The following GNB1L variants were observed in gnomAD, a reference collection of about 807,000 sequenced individuals.
The protein encoded by GNB1L is guanine nucleotide-binding protein subunit beta-like protein 1.
Under a neutral mutation model 29.1 loss-of-function variants are expected in GNB1L, and 20 were observed. That is an observed-to-expected ratio of 0.69 (90% confidence interval 0.48 to 1.00). The LOEUF is 1.00. Among genes scored for constraint, GNB1L ranks in the 50% least tolerant of loss-of-function variants. The probability of loss-of-function intolerance (pLI) is 0.00; values close to 1 mark genes in which losing one functional copy is unlikely to be tolerated. For missense variants in GNB1L, 421 were observed against 464.9 expected (o/e 0.91, Z 0.87); for synonymous variants, 193 against 206.5 (o/e 0.93, Z 0.56).
chr22:19,839,871 G>A (rs757667319), intron 2 of GNB1L, among the ~76,000 whole-genome samples: 6 of 150,792 alleles, frequency 4.0e-5, no homozygotes, highest in African/African-American at 7.3e-5. Context: ...CAGAGACTCC[G>A]TCTCAATAAT....
intron 2 of GNB1L, among the ~76,000 whole-genome samples, chr22:19,827,648 T>C (rs118185251): frequency 0.014 from 2,097 of 152,352 alleles, 31 homozygotes; most frequent in Middle Eastern, 0.048. Context: ...CAATGTGATA[T>C]AATTACACTC....
chr22:19,819,664 T>C (rs930546889), intron 4 of GNB1L, among the ~76,000 whole-genome samples: 26 of 152,188 alleles, frequency 1.7e-4, no homozygotes, highest in Admixed American at 9.2e-4. Flanking sequence ...CAGTGGGGTC[T>C]GAATACCAAT....
chr22:19,802,263 C>T (rs750524013), intron 6 of GNB1L, 47 bp from the exon 7 acceptor site: 1 of 1,506,824 alleles, frequency 6.6e-7, no homozygotes, highest in South Asian at 1.1e-5. Context: ...ACCCTGACTC[C>T]AGTGAGTTTC....
intron 4 of GNB1L, 86 bp from the exon 5 acceptor site, chr22:19,812,533 C>T: frequency 7.5e-7 from 1 of 1,326,112 alleles, no homozygotes; most frequent in East Asian, 2.5e-5. Flanking sequence ...AAGGCAAGGC[C>T]ATGTTTCCAG....
chr22:19,793,933 A>G (rs982839866), intron 7 of GNB1L, among the ~76,000 whole-genome samples: 2 of 152,218 alleles, frequency 1.3e-5, no homozygotes, highest in African/African-American at 4.8e-5. Context: ...AGAAATGGCA[A>G]AGGGGTGAGT....
chr22:19,818,714 T>TGGGTTGTGATGGTGATGGCACGGAGTTCC (rs1937555050), intron 4 of GNB1L, among the ~76,000 whole-genome samples: 9 of 152,232 alleles, frequency 5.9e-5, no homozygotes, highest in Admixed American at 5.9e-4. Flanking sequence ...TCTGGAGTTC[T>TGGGTTGTGATGGTGATGGCACGGAGTTCC]GGGCTGTGAT....
intron 7 of GNB1L, among the ~76,000 whole-genome samples, chr22:19,801,157 C>A (rs1011382272): frequency 6.6e-6 from 1 of 152,190 alleles, no homozygotes; most frequent in Non-Finnish European, 1.5e-5. Flanking sequence ...ACATGCAGCT[C>A]CCCCTGGAGG....
At chr22:19,823,636 A>C (rs896047587) in intron 2 of GNB1L, among the ~76,000 whole-genome samples, 3 of 152,224 alleles carry the variant, frequency 2.0e-5, no homozygotes, top group African/African-American at 7.2e-5. Context: ...GCAGAGCCTG[A>C]CAGGTCACCT....
Position 19,822,107 on chromosome 22 carries a change from G to A in GNB1L, c.-20-732C>T, listed in dbSNP as rs553519659. 9.2e-5 allele frequency among the ~76,000 whole-genome samples: 14 copies of A among 152,268 alleles called. No homozygotes were observed. The East Asian group carries it at 9.6e-4, about 10-fold the overall frequency. On this transcript the variant is annotated intron_variant, in intron 2 of 7. Transcript: ENST00000329517. ...ATCTGCTGGGCCCCAGGCCTGCCCC[G>A]CCACAATTTCTAACCGCTATCACCA...
chr22:19,820,603 G>T lies in GNB1L; in HGVS notation c.249C>A (p.Leu83=), dbSNP rs1937570078. ...WLQTLPQGRQ[L]LSQGRDLKLC... is the part of the protein sequence containing the mutation. ...CCTGCACCTTGGAGACCCACCTGAG[G>T]AGCTGGCGCCCCTGGGGCAGCGTCT... The change falls in exon 4 of 8, where the codon CTC becomes CTA. Residue 83 remains leucine, a synonymous_variant. Transcript: ENST00000329517. 3 of 1,612,150 alleles carry T rather than the reference G, an allele frequency of 1.9e-6. No individual in the cohort carries two copies. Among genetic ancestry groups the T allele is most frequent in the Non-Finnish European group, 2.5e-6 (3 of 1,179,552 alleles).
At chr22:19,848,009 C>CCATATT in intron 2 of GNB1L, 1 of 985,250 alleles carries the variant, frequency 1.0e-6, no homozygotes, top group South Asian at 4.7e-5. Context: ...TACTAAATTT[C>CCATATT]CATATTTATT....
At chr22:19,852,293 C>T in intron 2 of GNB1L, 2 of 1,574,500 alleles carry the variant, frequency 1.3e-6, no homozygotes, top group South Asian at 2.4e-5. Context: ...AGAGGAGAGC[C>T]AGCACTGGTG....
intron 2 of GNB1L, among the ~76,000 whole-genome samples, chr22:19,845,772 G>A (rs1231183054): frequency 2.6e-5 from 4 of 152,192 alleles, no homozygotes; most frequent in African/African-American, 9.7e-5. Context: ...AGGCACCCCC[G>A]AGGCCTGCAC....
intron 7 of GNB1L, among the ~76,000 whole-genome samples, chr22:19,793,293 C>G (rs538407328): frequency 2.6e-5 from 4 of 151,954 alleles, no homozygotes; most frequent in Admixed American, 6.6e-5. Flanking sequence ...AAGCTCAATA[C>G]TGAAATGAAA....
chr22:19,792,665 C>A, intron 7 of GNB1L: 1 of 1,497,238 alleles, frequency 6.7e-7, no homozygotes, highest in Middle Eastern at 2.3e-4. Flanking sequence ...AAGCTGCTGG[C>A]AAACGGGACG....
At chr22:19,830,136 G>T (rs1937659368) in intron 2 of GNB1L, among the ~76,000 whole-genome samples, 1 of 152,018 alleles carries the variant, frequency 6.6e-6, no homozygotes, top group South Asian at 2.1e-4. Flanking sequence ...GGAGTTTGAG[G>T]CTACAGTGTA....
At chr22:19,803,913 C>T (rs901599221) in intron 6 of GNB1L, among the ~76,000 whole-genome samples, 4 of 152,276 alleles carry the variant, frequency 2.6e-5, no homozygotes, top group Non-Finnish European at 5.9e-5. Context: ...CTGCCTGGGG[C>T]TGCTCCCATC....
chr22:19,849,333 C>CAA (rs1938038077), intron 2 of GNB1L: 1 of 740,768 alleles, frequency 1.3e-6, no homozygotes, highest in Non-Finnish European at 1.6e-6. Flanking sequence ...ATAATCCCAA[C>CAA]AATTTATATT....
At chr22:19,809,118 A>G (rs1354252283) in intron 5 of GNB1L, among the ~76,000 whole-genome samples, 5 of 151,616 alleles carry the variant, frequency 3.3e-5, no homozygotes, top group Admixed American at 6.6e-5. Context: ...ATTTCCCAAG[A>G]CCACCCTGGC....
Sources: gnomAD v4.1 joint callset for allele counts (sites outside exome capture counted in the v4.1 genomes callset) on GRCh38, gnomAD v4.1.1 for gene constraint, MANE v1.5 for transcripts, NCBI Gene and HGNC (gene_info 2026-07-23, HGNC 2026-07-21) for gene names.